The following GRAMD1C variants were observed in gnomAD, a reference collection of about 807,000 sequenced individuals.
GRAMD1C encodes the protein GRAM domain containing 1C.
Under a neutral mutation model 97.8 loss-of-function variants are expected in GRAMD1C, and 89 were observed. The ratio of observed to expected loss-of-function variants is 0.91; its 90% CI spans 0.77 to 1.09. The LOEUF is 1.09. Ranked by LOEUF, GRAMD1C falls within the 50% of genes least tolerant of loss-of-function variation. The pLI is 0.00. For missense variants in GRAMD1C, 740 were observed against 766.4 expected (o/e 0.97, Z 0.41); for synonymous variants, 256 against 267.0 (o/e 0.96, Z 0.40).
At chr3:113,933,728 T>A in intron 12 of GRAMD1C, 75 bp downstream of exon 12, 1 of 1,014,892 alleles carries the variant, frequency 9.9e-7, no homozygotes, top group Non-Finnish European at 1.5e-6. Context: ...GAATTCTTAG[T>A]AGTAGCTTTA....
chr3:113,939,857 T>A, intron 15 of GRAMD1C, 29 bp from the exon 16 acceptor site: 1 of 1,175,332 alleles, frequency 8.5e-7, no homozygotes, highest in Non-Finnish European at 1.3e-6. Flanking sequence ...TGGAAAAGTG[T>A]GGATTAACAT....
chr3:113,932,229 G>C (rs1004233519), intron 11 of GRAMD1C, among the ~76,000 whole-genome samples: 8 of 152,100 alleles, frequency 5.3e-5, no homozygotes, highest in African/African-American at 1.9e-4. Context: ...CAAACAAATG[G>C]ACAAAACAAT....
chr3:113,903,452 T>G (rs1936248860), intron 7 of GRAMD1C, among the ~76,000 whole-genome samples: 1 of 152,230 alleles, frequency 6.6e-6, no homozygotes, highest in Non-Finnish European at 1.5e-5. Context: ...CTTTCCTCTC[T>G]GTTTTTCCAC....
chr3:113,847,290 A>G (rs1409803628), intron 2 of GRAMD1C, among the ~76,000 whole-genome samples: 1 of 152,222 alleles, frequency 6.6e-6, no homozygotes, highest in Non-Finnish European at 1.5e-5. Context: ...GAAAGGAAAA[A>G]TAATTGCATT....
intron 2 of GRAMD1C, among the ~76,000 whole-genome samples, chr3:113,861,320 A>G (rs1934366326): frequency 6.6e-6 from 1 of 152,204 alleles, no homozygotes; most frequent in African/African-American, 2.4e-5. Context: ...CTCAAGTGAC[A>G]GGAGAAAAAA....
rs375864967 is a variant in GRAMD1C, at chr3:113,934,495, G to C, written c.1416G>C (p.Lys472Asn). 3 of 1,587,550 alleles carry C rather than the reference G, an allele frequency of 1.9e-6. No individual in the cohort carries two copies. In the African/African-American group the frequency reaches 4.1e-5, roughly 21 times the overall value. Reference protein sequence around the residue: ...PWGLVKSLIEKNSWSSLEDYF... With the variant: ...PWGLVKSLIENNSWSSLEDYF... ...GCCTTGTCAAATCTTTAATTGAAAA[G>C]AATTCCTGGAGTTCTTTGGAGGACT... Residue 472 changes from lysine (K) to asparagine (N), a missense_variant, in exon 13 of 18, where the codon AAG becomes AAC. By Grantham distance (94) the Lys-to-Asn change is moderately conservative. Transcript: ENST00000358160.
chr3:113,858,671 G>A (rs750679947), intron 2 of GRAMD1C, among the ~76,000 whole-genome samples: 1 of 152,104 alleles, frequency 6.6e-6, no homozygotes, highest in Non-Finnish European at 1.5e-5. Flanking sequence ...TGGGATTACA[G>A]GCGTGAGCCA....
At position 113,915,705 on chromosome 3, in the gene GRAMD1C, T is replaced by C. The variant is rs914426328; in HGVS notation, c.957T>C (p.Asn319=). 2 of 1,606,544 alleles carry C rather than the reference T, an allele frequency of 1.2e-6. No homozygotes were observed. The highest frequency in any genetic ancestry group is 1.7e-5 in the Admixed American group (1 of 58,638). Residue 319 remains asparagine, a synonymous_variant, in exon 10 of 18, where the codon AAT becomes AAC. Transcript: ENST00000358160. ...SSTSDSVDEE[N]VPEKDLHGRL... is the part of the protein sequence containing the mutation. ...TTTGTGTTTCTGTTTTTCCAGAAAA[T>C]GTTCCTGAGAAAGATCTTCATGGAA...
chr3:113,833,112 CTT>C (rs1709580640), intron 1 of GRAMD1C, among the ~76,000 whole-genome samples: 1 of 133,466 alleles, frequency 7.5e-6, no homozygotes, highest in Non-Finnish European at 1.6e-5. Context: ...TTCTTTCTTT[CTT>C]TCTTTCTTTT....
At chr3:113,895,519 T>C (rs1344327844) in intron 6 of GRAMD1C, among the ~76,000 whole-genome samples, 3 of 152,110 alleles carry the variant, frequency 2.0e-5, no homozygotes, top group Non-Finnish European at 4.4e-5. Context: ...CAAATCCCCT[T>C]GTTCTTTTAT....
rs900396027 is a variant in GRAMD1C at position 113,947,158 on chromosome 3, A to C, written c.*1680A>C. On this transcript the variant is annotated 3_prime_UTR_variant, in exon 18 of 18. Coordinates refer to ENST00000358160, the MANE Select transcript of GRAMD1C (RefSeq NM_017577.5). ...CTGTTACGTAAATTGAATATTAATA[A>C]AATTGAAAATTTCTGAGTTGTAGTT... The C allele has an allele frequency of 2.0e-5, 3 of 152,234 alleles. No homozygotes were observed. The highest frequency in any genetic ancestry group is 4.4e-5 in the Non-Finnish European group (3 of 68,040). 9.4% of individuals were successfully genotyped at this position (152,234 alleles called of 1,614,324 possible).
rs147270685 is a variant in GRAMD1C, at chr3:113,876,317, C to T, written c.459+57C>T. 1,302 of 849,264 alleles carry T rather than the reference C, an allele frequency of 1.5e-3. 5 individuals carry two copies. The highest frequency in any genetic ancestry group is 1.6e-3 in the Non-Finnish European group (784 of 502,578). The allele number at this position is 849,264 out of a possible 1,614,324, so 52.6% of individuals were successfully genotyped here. A position where few individuals can be genotyped will look rare whatever the true frequency, so the allele number is the denominator to read the frequency against. On this transcript the variant is annotated intron_variant, in intron 5 of 17. Coordinates refer to ENST00000358160, the MANE Select transcript of GRAMD1C (RefSeq NM_017577.5). ...TAATGTGAAGAAAATCTCCCTCATA[C>T]TCATCATCAATGTTGGGAAATTAGG...
intron 1 of GRAMD1C, among the ~76,000 whole-genome samples, chr3:113,841,293 T>TTTTTTTC (rs1276607884): frequency 7.3e-6 from 1 of 136,468 alleles, no homozygotes; most frequent in Non-Finnish European, 1.6e-5. Flanking sequence ...TTCTTTTTTT[T>TTTTTTTC]TTTTTTTTGC....
In GRAMD1C at chr3:113,945,763, A is replaced by T; in HGVS notation, c.*285A>T. 3.0e-6 allele frequency: 1 copy of T among 334,982 alleles called. No individual in the cohort carries two copies. The allele number at this position is 334,982 out of a possible 1,614,324, so 20.8% of individuals were successfully genotyped here. ...ATTTCTCTGATACAAAAAGAAAATG[A>T]CACACCCTGAATTGAGTGGTATGGT... is the stretch of plus-strand genomic sequence containing the variant. On this transcript the variant is annotated 3_prime_UTR_variant, in exon 18 of 18. Transcript: ENST00000358160.
At chr3:113,831,488 C>T (rs894804583) in intron 1 of GRAMD1C, among the ~76,000 whole-genome samples, 1 of 151,990 alleles carries the variant, frequency 6.6e-6, no homozygotes, top group Non-Finnish European at 1.5e-5. Flanking sequence ...AGAGTTTCCT[C>T]ATTCTTTCTT....
chr3:113,890,030 A>G (rs190635107), intron 6 of GRAMD1C, among the ~76,000 whole-genome samples: 2 of 151,686 alleles, frequency 1.3e-5, no homozygotes, highest in Admixed American at 6.6e-5. Flanking sequence ...GGACAGACAC[A>G]TTTTGGCCTC....
chr3:113,935,254 G>A (rs1006203041), intron 13 of GRAMD1C, among the ~76,000 whole-genome samples: 1 of 152,014 alleles, frequency 6.6e-6, no homozygotes, highest in Admixed American at 6.6e-5. Context: ...CCTCTGTAAG[G>A]AGCCAAGGAG....
At chr3:113,907,364 A>C (rs985179578) in intron 8 of GRAMD1C, among the ~76,000 whole-genome samples, 3 of 152,218 alleles carry the variant, frequency 2.0e-5, no homozygotes, top group Non-Finnish European at 4.4e-5. Context: ...GTTTCTTGCA[A>C]AACTTATTCA....
chr3:113,917,486 G>A, intron 10 of GRAMD1C, among the ~76,000 whole-genome samples: 1 of 151,606 alleles, frequency 6.6e-6, no homozygotes, highest in East Asian at 2.0e-4. Context: ...ACCACGCCTG[G>A]ATAATTTTTG....
Sources: gnomAD v4.1 joint callset for allele counts (sites outside exome capture counted in the v4.1 genomes callset) on GRCh38, gnomAD v4.1.1 for gene constraint, MANE v1.5 for transcripts, NCBI Gene and HGNC (gene_info 2026-07-23, HGNC 2026-07-21) for gene names.